PSMD5: variants seen among roughly 807,000 people sequenced by gnomAD.
PSMD5 encodes proteasome 26S subunit, non-ATPase 5.
In PSMD5, 40 loss-of-function variants were observed where a neutral mutation model predicts 52.1. The observed-to-expected ratio is 0.77, with a 90% CI of 0.60 to 1.00. The LOEUF (loss-of-function observed/expected upper bound fraction) is 1.00, where lower values mean the gene tolerates loss of function less well. Among genes scored for constraint, PSMD5 ranks in the 50% least tolerant of loss-of-function variants. The pLI is 0.00. For missense variants in PSMD5, 575 were observed against 605.2 expected (o/e 0.95, Z 0.52); for synonymous variants, 211 against 226.6 (o/e 0.93, Z 0.62).
chr9:120,841,368 C>A (rs1296672529), intron 1 of PSMD5, among the ~76,000 whole-genome samples: 3 of 151,980 alleles, frequency 2.0e-5, no homozygotes, highest in East Asian at 2.0e-4. Context: ...TCACGAGGTC[C>A]GTAGATCGAG....
chr9:120,842,844 T>C lies in PSMD5; in HGVS notation c.66A>G (p.Leu22=), dbSNP rs2045251425. 2.5e-6 allele frequency: 4 copies of C among 1,608,992 alleles called. No homozygotes were observed. The highest frequency in any genetic ancestry group is 1.7e-5 in the Admixed American group (1 of 59,788). ...VARLEAPLEE[L]RALHSVLQAV... is the part of the protein sequence containing the mutation. ...CCTGCAGCACGGAGTGAAGCGCGCG[T>C]AGCTCCTCCAGCGGCGCTTCCAGCC... is the stretch of plus-strand genomic sequence containing the variant. The change falls in exon 1 of 10, where the codon CTA becomes CTG. Residue 22 remains leucine (L), a synonymous_variant. Coordinates refer to ENST00000210313, the MANE Select transcript of PSMD5 (RefSeq NM_005047.4).
chr9:120,824,407 T>C, intron 7 of PSMD5, 87 bp downstream of exon 7: 1 of 1,308,394 alleles, frequency 7.6e-7, no homozygotes, highest in Non-Finnish European at 1.1e-6. Flanking sequence ...GTTTCTACAA[T>C]GTAGTTAACC....
intron 9 of PSMD5, among the ~76,000 whole-genome samples, chr9:120,819,882 A>G (rs2045071710): frequency 6.6e-6 from 1 of 152,160 alleles, no homozygotes. Context: ...TGTATCCTTC[A>G]AGACCCAGAT....
chr9:120,818,642 T>G (rs1039162189), intron 9 of PSMD5, among the ~76,000 whole-genome samples: 2 of 152,058 alleles, frequency 1.3e-5, no homozygotes, highest in African/African-American at 2.4e-5. Context: ...TGTAAGATAC[T>G]ATCTAAATCT....
In PSMD5 at chr9:120,833,594, A is replaced by G. The variant is rs565478660; in HGVS notation, c.174-138T>C. 45 of 843,984 alleles carry G rather than the reference A, an allele frequency of 5.3e-5. No homozygotes were observed. In the African/African-American group the frequency reaches 7.1e-4, roughly 13 times the overall value. The allele number at this position is 843,984 out of a possible 1,614,324, so 52.3% of individuals were successfully genotyped here. ...AAACAGCAGCTTTCACTCACCTACTAAACATTTGCTAAGTACCTATTATGC... is the reference window on the plus strand; with the variant it reads ...AAACAGCAGCTTTCACTCACCTACTGAACATTTGCTAAGTACCTATTATGC... On this transcript the variant is annotated intron_variant, in intron 1 of 9. Transcript: ENST00000210313.
rs1422121739 is a variant in PSMD5, at chr9:120,818,088, A to T, written c.1333T>A (p.Ser445Thr). The change falls in exon 10 of 10, where the codon TCT (serine) becomes ACT (threonine). Residue 445 changes from serine to threonine, a missense_variant. By Grantham distance (58) the Ser-to-Thr change is moderately conservative. Coordinates refer to ENST00000210313, the MANE Select transcript of PSMD5 (RefSeq NM_005047.4). ...TTTGAAGCTTTGTCATGCTCCACAG[A>T]CCGGTCCACCACATATTCTACAAAA... is the stretch of plus-strand genomic sequence containing the variant. The part of the protein sequence containing the change: ...PGFVEYVVDR[S>T]VEHDKASKDA... 6.2e-7 allele frequency: 1 copy of T among 1,614,180 alleles called. No individual in the cohort carries two copies.
chr9:120,834,520 G>T (rs985583954), intron 1 of PSMD5, among the ~76,000 whole-genome samples: 1 of 152,170 alleles, frequency 6.6e-6, no homozygotes, highest in African/African-American at 2.4e-5. Flanking sequence ...ACATGAAAAG[G>T]CAGAGAGGAA....
At chr9:120,842,440 TGTA>T (rs2045246662) in intron 1 of PSMD5, 1 of 467,298 alleles carries the variant, frequency 2.1e-6, no homozygotes, top group Non-Finnish European at 3.8e-6. Context: ...GAATGCTCCT[TGTA>T]AGTGGACAGC....
chr9:120,841,789 T>C (rs1375093269), intron 1 of PSMD5: 1 of 152,192 alleles, frequency 6.6e-6, no homozygotes, highest in Non-Finnish European at 1.5e-5. Context: ...GCATATAATG[T>C]TGTAGGGTCC....
chr9:120,839,913 G>C (rs1447140811), intron 1 of PSMD5, among the ~76,000 whole-genome samples: 60 of 149,262 alleles, frequency 4.0e-4, no homozygotes, highest in Non-Finnish European at 1.5e-5. Context: ...TTGAGGTCAG[G>C]AGTTCGACAC....
chr9:120,826,988 T>G (rs2045127521), intron 5 of PSMD5, 81 bp from the exon 6 acceptor site: 2 of 1,348,646 alleles, frequency 1.5e-6, no homozygotes, highest in Non-Finnish European at 2.0e-6. Flanking sequence ...ACAGGTTATC[T>G]TATTTAATTC....
At chr9:120,837,125 G>A (rs773448891) in intron 1 of PSMD5, among the ~76,000 whole-genome samples, 7 of 152,032 alleles carry the variant, frequency 4.6e-5, no homozygotes, top group Non-Finnish European at 7.4e-5. Context: ...TCCTGACCTC[G>A]TGATCTGCCC....
At chr9:120,823,200 ATCTT>A (rs1453455609) in intron 7 of PSMD5, among the ~76,000 whole-genome samples, 13 of 150,414 alleles carry the variant, frequency 8.6e-5, no homozygotes, top group South Asian at 2.1e-4. Context: ...CCATAAAAGT[ATCTT>A]TCTTTCTTTC....
chr9:120,831,308 A>G (rs1352936864), intron 4 of PSMD5, 23 bp downstream of exon 4: 13 of 1,563,068 alleles, frequency 8.3e-6, no homozygotes, highest in Non-Finnish European at 9.5e-6. Flanking sequence ...TGTAAGCATG[A>G]GAAAGTGTGC....
At position 120,831,236 on chromosome 9, in the gene PSMD5, C is replaced by T. The variant is rs1429555559; in HGVS notation, c.561+95G>A. The T allele has an allele frequency of 2.3e-6, 3 of 1,311,582 alleles. No individual in the cohort carries two copies. The East Asian group carries it at 7.7e-5, about 34-fold the overall frequency. 81.2% of individuals were successfully genotyped at this position (1,311,582 alleles called of 1,614,324 possible). On this transcript the variant is annotated intron_variant, in intron 4 of 9. Transcript: ENST00000210313. The stretch of plus-strand genomic sequence containing the variant: ...TCCCAGCACCTACTGTAGGGCCAAA[C>T]ACAGATTATATACTTAATGAGCCAT...
intron 5 of PSMD5, among the ~76,000 whole-genome samples, chr9:120,828,090 G>C (rs78697253): frequency 6.6e-6 from 1 of 151,920 alleles, no homozygotes; most frequent in Non-Finnish European, 1.5e-5. Context: ...TTCACCTCCC[G>C]GGTTTAAGCA....
At chr9:120,828,174 T>A (rs910425130) in intron 5 of PSMD5, among the ~76,000 whole-genome samples, 1 of 151,952 alleles carries the variant, frequency 6.6e-6, no homozygotes, top group Admixed American at 6.6e-5. Context: ...TTTTTTGTAT[T>A]TTTTTAGTAG....
In PSMD5 at chr9:120,824,607, T is replaced by G. The variant is rs747654438; in HGVS notation, c.893A>C (p.Glu298Ala). 2 of 1,614,180 alleles carry G rather than the reference T, an allele frequency of 1.2e-6. No individual in the cohort carries two copies. The highest frequency in any genetic ancestry group is 2.2e-5 in the South Asian group (2 of 91,088). The change falls in exon 7 of 10, where the codon GAA (glutamate) becomes GCA (alanine). Residue 298 changes from glutamate to alanine, a missense_variant. By Grantham distance (107) the Glu-to-Ala change is moderately radical. Coordinates refer to ENST00000210313, the MANE Select transcript of PSMD5 (RefSeq NM_005047.4). ...QICERYPIFVEKVFEMIESQD... is the reference protein window; with the variant it reads ...QICERYPIFVAKVFEMIESQD... ...ACTTTCTATCATTTCAAAGACTTTT[T>G]CCACAAAGATAGGATAACGCTCACA...
At chr9:120,831,563 T>C (rs892136633) in intron 3 of PSMD5, 104 bp from the exon 4 acceptor site, 10 of 1,351,344 alleles carry the variant, frequency 7.4e-6, no homozygotes, top group Non-Finnish European at 5.0e-6. Context: ...TTGCCCATGT[T>C]TTAGCTATTA....
Sources: gnomAD v4.1 joint callset for allele counts (sites outside exome capture counted in the v4.1 genomes callset) on GRCh38, gnomAD v4.1.1 for gene constraint, MANE v1.5 for transcripts, NCBI Gene and HGNC (gene_info 2026-07-23, HGNC 2026-07-21) for gene names.